GPR161: variants seen among roughly 807,000 people sequenced by gnomAD.
GPR161 encodes G protein-coupled receptor 161.
GPR161 carries 25 observed loss-of-function variants against 39.2 expected under a neutral mutation model. That is an observed-to-expected ratio of 0.64 (90% CI 0.47 to 0.89). GPR161 has a LOEUF of 0.89. Among genes scored for constraint, GPR161 ranks in the 40% least tolerant of loss-of-function variants. GPR161 has a pLI of 0.00. For synonymous variants in GPR161, 286 were observed against 276.6 expected (o/e 1.03, Z -0.34); for missense variants, 547 against 677.8 (o/e 0.81, Z 2.14).
At position 168,136,481 on chromosome 1, in the gene GPR161, C is replaced by G. The variant is rs1038086251; in HGVS notation, c.-45+258G>C. ...CAGAATGGGGTGGGCCTCTCAGAAG[C>G]CCCAGGCCGCAGGGGAGGGGCGCGC... On this transcript the variant is annotated intron_variant, in intron 1 of 5. Transcript: ENST00000682931. 27 of 1,263,266 alleles carry G rather than the reference C, an allele frequency of 2.1e-5. No individual in the cohort carries two copies. In the East Asian group the frequency reaches 8.5e-4, roughly 40 times the overall value. The allele number at this position is 1,263,266 out of a possible 1,614,324, so 78.3% of individuals were successfully genotyped here.
intron 1 of GPR161, among the ~76,000 whole-genome samples, chr1:168,130,808 C>T (rs946732512): frequency 6.6e-6 from 1 of 152,142 alleles, no homozygotes; most frequent in Non-Finnish European, 1.5e-5. Context: ...ATGGAATTCA[C>T]ATCTCTGCTG....
chr1:168,117,197 T>C (rs1396782417), intron 1 of GPR161, among the ~76,000 whole-genome samples: 1 of 152,216 alleles, frequency 6.6e-6, no homozygotes, highest in Non-Finnish European at 1.5e-5. Context: ...CAAGGCTCAG[T>C]CCTTAATCCA....
chr1:168,112,357 G>T (rs527758194), intron 1 of GPR161, among the ~76,000 whole-genome samples: 18 of 152,004 alleles, frequency 1.2e-4, no homozygotes, highest in Admixed American at 1.2e-3. Flanking sequence ...GTGGGTGCCT[G>T]TAGTCCCAGC....
intron 2 of GPR161, among the ~76,000 whole-genome samples, chr1:168,099,301 G>A (rs1400829527): frequency 6.6e-6 from 1 of 152,150 alleles, no homozygotes; most frequent in Non-Finnish European, 1.5e-5. Flanking sequence ...GCAGGGAGGG[G>A]AGCAGTGGGT....
chr1:168,090,328 C>A (rs547313638), intron 4 of GPR161: 17 of 425,252 alleles, frequency 4.0e-5, no homozygotes, highest in African/African-American at 2.6e-4. Flanking sequence ...TAACACCGTG[C>A]GGCAGAGAGA....
rs776855110 is a variant in GPR161, at chr1:168,087,674, G to A, written c.1235C>T (p.Thr412Met). ...GTGAGAGGGAGGGTTGTCATCAGACGTGTAGTCCTCAAGCAGCATCATATC... is the reference window on the plus strand; with the variant it reads ...GTGAGAGGGAGGGTTGTCATCAGACATGTAGTCCTCAAGCAGCATCATATC... ...GTDMMLLEDY[T>M]SDDNPPSHCT... is the part of the protein sequence containing the mutation. Residue 412 changes from threonine (T) to methionine (M), a missense_variant, in exon 5 of 6, where the codon ACG becomes ATG. By Grantham distance (81) the Thr-to-Met change is moderately conservative. Coordinates refer to ENST00000682931, the MANE Select transcript of GPR161 (RefSeq NM_001375883.1). 7.9e-5 allele frequency: 127 copies of A among 1,613,696 alleles called. No homozygotes were observed. The highest frequency in any genetic ancestry group is 9.7e-5 in the Non-Finnish European group (115 of 1,179,802).
upstream of GPR161, chr1:168,137,428 GC>G: frequency 6.6e-7 from 1 of 1,522,676 alleles, no homozygotes; most frequent in East Asian, 2.4e-5. Context: ...GCATCCATCT[GC>G]CTTCTGCCAG....
rs746826975 is a variant in GPR161 at position 168,104,686 on chromosome 1, C to A, written c.165G>T (p.Lys55Asn). The A allele has an allele frequency of 1.4e-5, 23 of 1,613,908 alleles. No homozygotes were observed. Among genetic ancestry groups the A allele is most frequent in the Non-Finnish European group, 1.9e-5 (23 of 1,179,800 alleles). Reference sequence around the variant, plus strand: ...TGTTGCTGAGGGTGAGGAGGTAGGACTTCTTGTACAAGGTGACCACGATGA... The same window carrying A: ...TGTTGCTGAGGGTGAGGAGGTAGGAATTCTTGTACAAGGTGACCACGATGA... ...NLVIVVTLYK[K>N]SYLLTLSNKF... The change falls in exon 2 of 6, where the codon AAG becomes AAT. Residue 55 changes from lysine (K) to asparagine (N), a missense_variant. Transcript: ENST00000682931.
chr1:168,109,431 G>C (rs929614866), intron 1 of GPR161, among the ~76,000 whole-genome samples: 4 of 152,198 alleles, frequency 2.6e-5, no homozygotes, highest in Non-Finnish European at 5.9e-5. Context: ...CCCTAGGGCA[G>C]AGGTTTTTAG....
chr1:168,134,462 G>T (rs1435201583), intron 1 of GPR161, among the ~76,000 whole-genome samples: 1 of 152,100 alleles, frequency 6.6e-6, no homozygotes, highest in Non-Finnish European at 1.5e-5. Context: ...CAAACTCCAG[G>T]TAGCACTGAT....
intron 1 of GPR161, 74 bp downstream of exon 1, chr1:168,136,665 T>C (rs1007997698): frequency 8.5e-7 from 1 of 1,180,182 alleles, no homozygotes; most frequent in Non-Finnish European, 1.0e-6. Flanking sequence ...CCTCGCACAA[T>C]GAGTTTAGCC....
chr1:168,131,089 C>G (rs946860212), intron 1 of GPR161, among the ~76,000 whole-genome samples: 2 of 152,152 alleles, frequency 1.3e-5, no homozygotes, highest in African/African-American at 4.8e-5. Context: ...TCACAGACAT[C>G]CAATGCATCA....
intron 1 of GPR161, among the ~76,000 whole-genome samples, chr1:168,108,058 G>A (rs1696765921): frequency 6.6e-6 from 1 of 152,162 alleles, no homozygotes; most frequent in African/African-American, 2.4e-5. Flanking sequence ...TACAATTATG[G>A]TGCAGCATCT....
At chr1:168,090,704 AC>A in intron 3 of GPR161, 36 bp from the exon 4 acceptor site, 1 of 1,265,032 alleles carries the variant, frequency 7.9e-7, no homozygotes, top group Non-Finnish European at 1.1e-6. Flanking sequence ...ACACAATCAC[AC>A]TCTGCAAGGA....
At chr1:168,117,036 C>G (rs569103578) in intron 1 of GPR161, among the ~76,000 whole-genome samples, 3 of 152,156 alleles carry the variant, frequency 2.0e-5, no homozygotes, top group Non-Finnish European at 4.4e-5. Context: ...CCTCATTGCC[C>G]TTCACAACAT....
At chr1:168,089,049 T>C (rs1044526237) in intron 4 of GPR161, 1 of 152,208 alleles carries the variant, frequency 6.6e-6, no homozygotes, top group Non-Finnish European at 1.5e-5. Context: ...TACAATTCAA[T>C]GAGAATTGTA....
intron 1 of GPR161, chr1:168,134,948 C>G: frequency 1.3e-6 from 2 of 1,535,734 alleles, no homozygotes; most frequent in Non-Finnish European, 1.7e-6. Flanking sequence ...TCAGCCCATT[C>G]TGTCTTCCTC....
chr1:168,089,828 C>T (rs1232945468), intron 4 of GPR161, among the ~76,000 whole-genome samples: 5 of 152,228 alleles, frequency 3.3e-5, no homozygotes, highest in Non-Finnish European at 5.9e-5. Flanking sequence ...CAGCTCCCCA[C>T]CTCCCCGGTG....
chr1:168,079,746 G>A lies in GPR161; in HGVS notation c.*5785C>T, dbSNP rs181002318. 4 of 151,972 alleles carry A rather than the reference G, an allele frequency of 2.6e-5. No individual in the cohort carries two copies. The highest frequency in any genetic ancestry group is 4.8e-5 in the African/African-American group (2 of 41,426). 9.4% of individuals were successfully genotyped at this position (151,972 alleles called of 1,614,324 possible). A position where few individuals can be genotyped will look rare whatever the true frequency, so the allele number is the denominator to read the frequency against. ...GTTTTTAACCACTTCTTCATCCAGCGGTCTATTATGAGAACACAACACAGT... is the reference window on the plus strand; with the variant it reads ...GTTTTTAACCACTTCTTCATCCAGCAGTCTATTATGAGAACACAACACAGT... On this transcript the variant is annotated 3_prime_UTR_variant, in exon 6 of 6. Transcript: ENST00000682931.
Sources: gnomAD v4.1 joint callset for allele counts (sites outside exome capture counted in the v4.1 genomes callset) on GRCh38, gnomAD v4.1.1 for gene constraint, MANE v1.5 for transcripts, NCBI Gene and HGNC (gene_info 2026-07-23, HGNC 2026-07-21) for gene names.